The following ECM2 variants were observed in gnomAD, a reference collection of about 807,000 sequenced individuals.
ECM2 encodes extracellular matrix protein 2, also known as extracellular matrix protein 2, female organ and adipocyte specific.
ECM2 carries 57 observed loss-of-function variants against 67.5 expected under a neutral mutation model. The ratio of observed to expected loss-of-function variants is 0.84; its 90% CI spans 0.68 to 1.05. ECM2 has a LOEUF of 1.05. Among genes scored for constraint, ECM2 ranks in the 50% least tolerant of loss-of-function variants. The pLI, the probability that ECM2 is intolerant of heterozygous loss-of-function variation, is 0.00. For synonymous variants in ECM2, 258 were observed against 294.5 expected, an observed-to-expected ratio of 0.88 and a Z score of 1.27; for missense variants, 741 against 822.8, an observed-to-expected ratio of 0.90 and a Z score of 1.22.
intron 1 of ECM2, among the ~76,000 whole-genome samples, chr9:92,523,147 C>T (rs1370651493): frequency 6.6e-6 from 1 of 151,742 alleles, no homozygotes; most frequent in Admixed American, 6.6e-5. Flanking sequence ...GTGGTTCAGT[C>T]ATGACTCACT....
chr9:92,539,764 T>C (rs962193151), upstream of ECM2, among the ~76,000 whole-genome samples: 1 of 152,194 alleles, frequency 6.6e-6, no homozygotes, highest in Non-Finnish European at 1.5e-5. Context: ...TCATTTACTT[T>C]AGCTGAACTT....
intron 6 of ECM2, among the ~76,000 whole-genome samples, chr9:92,506,876 A>C (rs1847037831): frequency 6.6e-6 from 1 of 152,088 alleles, no homozygotes; most frequent in Non-Finnish European, 1.5e-5. Flanking sequence ...AGAGAAGTAC[A>C]CTGGGAGGGC....
At chr9:92,553,486 T>C in the ECM2 span, among the ~76,000 whole-genome samples, 1 of 152,170 alleles carries the variant, frequency 6.6e-6, no homozygotes, top group African/African-American at 2.4e-5. Context: ...AATTTGTAGA[T>C]TGCTTTTGGC....
intron 7 of ECM2, among the ~76,000 whole-genome samples, chr9:92,504,700 AT>A (rs942622344): frequency 1.3e-5 from 2 of 150,862 alleles, no homozygotes; most frequent in African/African-American, 2.4e-5. Context: ...ATGACTGGCT[AT>A]TTTTTTTTAA....
In ECM2 at chr9:92,524,613, T is replaced by C. The variant is rs1270859211; in HGVS notation, c.-27-1720A>G. On this transcript the variant is annotated intron_variant, in intron 1 of 9. Transcript: ENST00000344604. The stretch of plus-strand genomic sequence containing the variant: ...ACACCTATACCCCTTGCAGCTTTCC[T>C]CCTGCTCTTGCCTCAGGTCCACTCA... Among the ~76,000 whole-genome samples the C allele has an allele frequency of 2.0e-5, 3 of 152,178 alleles. No individual in the cohort carries two copies. The East Asian group carries it at 5.8e-4, about 29-fold the overall frequency.
At chr9:92,534,988 G>A (rs945709448) in intron 1 of ECM2, among the ~76,000 whole-genome samples, 37 of 152,252 alleles carry the variant, frequency 2.4e-4, no homozygotes, top group African/African-American at 8.7e-4. Context: ...ACTCACTTAT[G>A]GGGCATTGCC....
intron 2 of ECM2, among the ~76,000 whole-genome samples, chr9:92,520,336 G>A (rs1261517108): frequency 6.6e-6 from 1 of 152,090 alleles, no homozygotes; most frequent in Non-Finnish European, 1.5e-5. Context: ...CTCCAAGGAA[G>A]ATATGCAGAT....
intron 1 of ECM2, among the ~76,000 whole-genome samples, chr9:92,533,082 A>G (rs1038504886): frequency 6.6e-6 from 1 of 151,518 alleles, no homozygotes; most frequent in African/African-American, 2.4e-5. Context: ...GCGGATCACA[A>G]GGTCAGGAGT....
chr9:92,498,822 C>T (rs331379), intron 9 of ECM2, among the ~76,000 whole-genome samples: 49,742 of 151,990 alleles, frequency 0.33, 10,131 homozygotes, highest in Non-Finnish European at 0.46. Context: ...TGTTGGGAAC[C>T]TAGATTTTCA....
chr9:92,551,334 C>T, the ECM2 span, among the ~76,000 whole-genome samples: 3 of 151,932 alleles, frequency 2.0e-5, no homozygotes, highest in Admixed American at 6.6e-5. Flanking sequence ...CCCAAAATGA[C>T]GTCTGATGCT....
intron 1 of ECM2, among the ~76,000 whole-genome samples, chr9:92,534,788 T>C (rs1042616219): frequency 6.6e-6 from 1 of 152,158 alleles, no homozygotes; most frequent in African/African-American, 2.4e-5. Context: ...GCATGGCAAG[T>C]GTGCTCTGAT....
the ECM2 span, among the ~76,000 whole-genome samples, chr9:92,557,442 C>A: frequency 6.6e-6 from 1 of 152,154 alleles, no homozygotes; most frequent in Non-Finnish European, 1.5e-5. Context: ...TTCTCTTCTT[C>A]CTCAGGAACA....
chr9:92,540,171 C>T (rs946546419), upstream of ECM2, among the ~76,000 whole-genome samples: 3 of 152,192 alleles, frequency 2.0e-5, no homozygotes, highest in African/African-American at 7.2e-5. Context: ...GGGCGCGGTG[C>T]CTCATGCCTG....
the ECM2 span, among the ~76,000 whole-genome samples, chr9:92,549,752 T>C: frequency 6.6e-6 from 1 of 152,226 alleles, no homozygotes; most frequent in Non-Finnish European, 1.5e-5. Context: ...CAATAGCATC[T>C]GTGCTTCTTT....
intron 7 of ECM2, among the ~76,000 whole-genome samples, chr9:92,504,277 G>A (rs988862710): frequency 3.9e-5 from 6 of 152,224 alleles, no homozygotes; most frequent in Admixed American, 2.0e-4. Flanking sequence ...ATAAATGTCA[G>A]TGTTACATAA....
At chr9:92,541,934 C>G in the ECM2 span, among the ~76,000 whole-genome samples, 1 of 152,122 alleles carries the variant, frequency 6.6e-6, no homozygotes, top group African/African-American at 2.4e-5. Flanking sequence ...GCTGGGATTA[C>G]AAGCATCCGC....
intron 1 of ECM2, among the ~76,000 whole-genome samples, chr9:92,531,371 T>C (rs1252984069): frequency 1.3e-5 from 2 of 152,216 alleles, no homozygotes; most frequent in Non-Finnish European, 2.9e-5. Context: ...AGAACCAGGA[T>C]GAACTTCAAC....
chr9:92,495,099 C>T (rs1190847250), downstream of ECM2, among the ~76,000 whole-genome samples: 1 of 152,020 alleles, frequency 6.6e-6, no homozygotes, highest in African/African-American at 2.4e-5. Context: ...CTTATAATAG[C>T]TTTGTGAAGT....
At chr9:92,528,144 C>T (rs1848529641) in intron 1 of ECM2, 1 of 152,270 alleles carries the variant, frequency 6.6e-6, no homozygotes, top group Admixed American at 6.5e-5. Flanking sequence ...ACTACGTATA[C>T]CTTCCCACCT....
Sources: gnomAD v4.1 joint callset for allele counts (sites outside exome capture counted in the v4.1 genomes callset) on GRCh38, gnomAD v4.1.1 for gene constraint, MANE v1.5 for transcripts, NCBI Gene and HGNC (gene_info 2026-07-23, HGNC 2026-07-21) for gene names.